Variants in CR2 observed in about 807,000 individuals in gnomAD.
The protein encoded by CR2 is complement C3d receptor 2, also known as complement receptor type 2.
In CR2, 96 loss-of-function variants were observed where a neutral mutation model predicts 123.0. The ratio of observed to expected loss-of-function variants is 0.78; its 90% CI spans 0.66 to 0.93. The LOEUF (loss-of-function observed/expected upper bound fraction) is 0.93. Among genes scored for constraint, CR2 ranks in the 40% least tolerant of loss-of-function variants. The pLI, the probability that CR2 is intolerant of heterozygous loss-of-function variation, is 0.00. For synonymous variants in CR2, 484 were observed against 469.5 expected, an observed-to-expected ratio of 1.03 and a Z score of -0.40; for missense variants, 1,258 against 1,361.0, an observed-to-expected ratio of 0.92 and a Z score of 1.19.
Position 207,473,655 on chromosome 1 carries a change from G to C in CR2, c.2089G>C (p.Val697Leu). Residue 697 changes from valine (V) to leucine (L), a missense_variant, in exon 11 of 20, where the codon GTG becomes CTG. Coordinates refer to ENST00000367057, the MANE Select transcript of CR2 (RefSeq NM_001006658.3). ...DYTCDPGYLL[V>L]GNKSIHCMPS... ...CACTTGTGACCCTGGCTATTTGCTT[G>C]TGGGAAACAAATCCATTCACTGTAT... 1 of 1,614,026 alleles carries C rather than the reference G, an allele frequency of 6.2e-7. No individual in the cohort carries two copies. Among genetic ancestry groups the C allele is most frequent in the Non-Finnish European group, 8.5e-7 (1 of 1,179,900 alleles).
intron 2 of CR2, 94 bp from the exon 3 acceptor site, chr1:207,468,433 G>A (rs1002910431): frequency 2.4e-6 from 3 of 1,245,932 alleles, no homozygotes; most frequent in Non-Finnish European, 3.5e-6. Context: ...TTCCAATGTT[G>A]CCCAGGGAAG....
chr1:207,472,661 C>T (rs991038709), intron 9 of CR2, 111 bp from the exon 10 acceptor site: 6 of 1,068,416 alleles, frequency 5.6e-6, no homozygotes, highest in African/African-American at 1.6e-5. Flanking sequence ...TGAAAATGTA[C>T]CCATACCGTC....
At chr1:207,480,778 T>TA (rs1287091207) in intron 18 of CR2, among the ~76,000 whole-genome samples, 1 of 152,166 alleles carries the variant, frequency 6.6e-6, no homozygotes, top group Non-Finnish European at 1.5e-5. Flanking sequence ...CCTGTTCCAT[T>TA]ACAAACCACT....
chr1:207,469,621 T>TCAAG, intron 5 of CR2, 74 bp from the exon 6 acceptor site: 1 of 1,345,292 alleles, frequency 7.4e-7, no homozygotes, highest in Non-Finnish European at 1.1e-6. Context: ...GATAGTGGTA[T>TCAAG]CAAGCAGCAT....
chr1:207,457,245 G>T (rs1002180691), intron 1 of CR2, among the ~76,000 whole-genome samples: 2 of 152,108 alleles, frequency 1.3e-5, no homozygotes, highest in African/African-American at 4.8e-5. Flanking sequence ...TGAAATCTTG[G>T]TATGTTTCCT....
chr1:207,478,892 A>AT (rs1434589537), intron 16 of CR2, among the ~76,000 whole-genome samples: 4 of 152,090 alleles, frequency 2.6e-5, no homozygotes, highest in Non-Finnish European at 5.9e-5. Flanking sequence ...AGAGTGAAAA[A>AT]AAAAGGCCAG....
intron 1 of CR2, among the ~76,000 whole-genome samples, chr1:207,462,340 C>A (rs1657987926): frequency 6.6e-6 from 1 of 151,908 alleles, no homozygotes; most frequent in Admixed American, 6.6e-5. Context: ...AACTATAGGC[C>A]CTCTGAGCAG....
At chr1:207,459,919 A>AT (rs755686831) in intron 1 of CR2, among the ~76,000 whole-genome samples, 51 of 152,164 alleles carry the variant, frequency 3.4e-4, no homozygotes, top group Admixed American at 1.3e-3. Flanking sequence ...AGACCCTCCC[A>AT]TTTTTTATCA....
chr1:207,474,430 C>A, intron 13 of CR2, 107 bp downstream of exon 13: 1 of 841,598 alleles, frequency 1.2e-6, no homozygotes, highest in Non-Finnish European at 2.0e-6. Context: ...GCGTCTCCCT[C>A]ATTGGAGGTT....
intron 16 of CR2, 65 bp from the exon 17 acceptor site, chr1:207,479,192 G>C: frequency 1.6e-6 from 2 of 1,250,128 alleles, no homozygotes; most frequent in Admixed American, 3.4e-5. Context: ...ACCATGAAAC[G>C]TGGGGCTACA....
Position 207,469,687 on chromosome 1 carries a change from T to C in CR2, c.818-8T>C. 1 of 1,613,138 alleles carries C rather than the reference T, an allele frequency of 6.2e-7. No homozygotes were observed. Among genetic ancestry groups the C allele is most frequent in the Non-Finnish European group, 8.5e-7 (1 of 1,179,234 alleles). On this transcript the variant is annotated splice_region_variant and splice_polypyrimidine_tract_variant and intron_variant, in intron 5 of 19. Coordinates refer to ENST00000367057, the MANE Select transcript of CR2 (RefSeq NM_001006658.3). Reference sequence around the variant, plus strand: ...TGATCTTGTCATTTCTTTCTGCAATTCCCCTAGAAATTTTTTGCCCATCAC... The same window carrying C: ...TGATCTTGTCATTTCTTTCTGCAATCCCCCTAGAAATTTTTTGCCCATCAC...
chr1:207,472,385 GT>G (rs1169935553), intron 9 of CR2, among the ~76,000 whole-genome samples: 1 of 152,178 alleles, frequency 6.6e-6, no homozygotes, highest in African/African-American at 2.4e-5. Flanking sequence ...TCAACAATAA[GT>G]TTTCTCAGCT....
chr1:207,456,669 T>G (rs1657841744), intron 1 of CR2, among the ~76,000 whole-genome samples: 1 of 152,236 alleles, frequency 6.6e-6, no homozygotes, highest in Non-Finnish European at 1.5e-5. Context: ...GAAACAAGAA[T>G]GCTCCCATTT....
chr1:207,460,189 A>G (rs1425488862), intron 1 of CR2, among the ~76,000 whole-genome samples: 2 of 152,202 alleles, frequency 1.3e-5, no homozygotes, highest in Non-Finnish European at 2.9e-5. Flanking sequence ...GTTTGTCTTC[A>G]TTGAGGTCAA....
rs565803878 is a variant in CR2 at position 207,456,620 on chromosome 1, G to T, written c.58+2144G>T. Among the ~76,000 whole-genome samples the T allele has an allele frequency of 2.6e-5, 4 of 152,236 alleles. No individual in the cohort carries two copies. The East Asian group carries it at 5.8e-4, about 22-fold the overall frequency. On this transcript the variant is annotated intron_variant, in intron 1 of 19. Transcript: ENST00000367057. ...CTAGATTTTACTCAAGCCTTCAGTG[G>T]CCACCTAACTTTATCCTATGCTGAG... is the stretch of plus-strand genomic sequence containing the variant.
At chr1:207,460,276 A>G (rs1016187365) in intron 1 of CR2, among the ~76,000 whole-genome samples, 9 of 152,160 alleles carry the variant, frequency 5.9e-5, no homozygotes, top group African/African-American at 1.9e-4. Context: ...GTTAATGGAG[A>G]AAACTAAAGA....
rs1247411868 is a variant in CR2 at position 207,473,176 on chromosome 1, A to G, written c.1975A>G (p.Lys659Glu). The change falls in exon 10 of 20, where the codon AAA becomes GAA. Residue 659 changes from lysine to glutamate, a missense_variant. Transcript: ENST00000367057. ...TWDPEIPVCE[K>E]GCQSPPGLHH... Reference sequence around the variant, plus strand: ...GGATCCTGAAATACCAGTTTGTGAAAAAGGTAAAAACCCAATAAGGGGGAA... The same window carrying G: ...GGATCCTGAAATACCAGTTTGTGAAGAAGGTAAAAACCCAATAAGGGGGAA... The G allele has an allele frequency of 6.2e-7, 1 of 1,613,762 alleles. No individual in the cohort carries two copies. The highest frequency in any genetic ancestry group is 8.5e-7 in the Non-Finnish European group (1 of 1,179,858).
In CR2 at chr1:207,470,135, T is replaced by C. The variant is rs757920041; in HGVS notation, c.1225+33T>C. On this transcript the variant is annotated intron_variant, in intron 6 of 19. Coordinates refer to ENST00000367057, the MANE Select transcript of CR2 (RefSeq NM_001006658.3). Reference sequence around the variant, plus strand: ...TTCCGGTACTCAGAAAAGGTGCTTCTGATTCGTTTCTGAAAAATTAGAAGA... The same window carrying C: ...TTCCGGTACTCAGAAAAGGTGCTTCCGATTCGTTTCTGAAAAATTAGAAGA... The C allele has an allele frequency of 1.9e-6, 3 of 1,611,938 alleles. No individual in the cohort carries two copies. The South Asian group carries it at 3.3e-5, about 18-fold the overall frequency.
Position 207,470,848 on chromosome 1 carries a change from T to G in CR2, c.1334T>G (p.Leu445Arg), listed in dbSNP as rs2102304234. 1 of 1,613,942 alleles carries G rather than the reference T, an allele frequency of 6.2e-7. No homozygotes were observed. The highest frequency in any genetic ancestry group is 8.5e-7 in the Non-Finnish European group (1 of 1,179,896). ...IKYSCNPGYV[L>R]VGEESIQCTS... Reference sequence around the variant, plus strand: ...TATAGCTGTAACCCTGGCTATGTGCTGGTGGGAGAAGAATCCATACAGTGT... The same window carrying G: ...TATAGCTGTAACCCTGGCTATGTGCGGGTGGGAGAAGAATCCATACAGTGT... The change falls in exon 7 of 20, where the codon CTG (leucine) becomes CGG (arginine). Residue 445 changes from leucine to arginine, a missense_variant. By Grantham distance (102) the Leu-to-Arg change is moderately radical. Transcript: ENST00000367057.
Sources: allele counts gnomAD v4.1 joint callset (sites outside exome capture counted in the v4.1 genomes callset), GRCh38; gene constraint gnomAD v4.1.1; transcripts MANE v1.5; gene names NCBI Gene and HGNC (gene_info 2026-07-23, HGNC 2026-07-21).